PACSIN2: variants seen among roughly 807,000 people sequenced by gnomAD.
PACSIN2 encodes protein kinase C and casein kinase substrate in neurons protein 2.
A neutral mutation model predicts 63.8 loss-of-function variants in PACSIN2; 25 were observed. The observed-to-expected ratio is 0.39, with a 90% confidence interval of 0.29 to 0.55. The LOEUF (loss-of-function observed/expected upper bound fraction) is 0.55. Among genes scored for constraint, PACSIN2 ranks in the 20% least tolerant of loss-of-function variants. The pLI, the probability that PACSIN2 is intolerant of heterozygous loss-of-function variation, is 0.62. For synonymous variants in PACSIN2, 255 were observed against 256.2 expected (o/e 1.00, Z 0.05); for missense variants, 518 against 646.9 (o/e 0.80, Z 2.16).
intron 1 of PACSIN2, among the ~76,000 whole-genome samples, chr22:42,967,957 T>C (rs990294194): frequency 6.6e-5 from 10 of 152,168 alleles, no homozygotes; most frequent in Admixed American, 5.2e-4. Flanking sequence ...TTTTATGACA[T>C]TTTATACACG....
intron 1 of PACSIN2, among the ~76,000 whole-genome samples, chr22:42,926,181 C>G (rs1249923377): frequency 6.6e-6 from 1 of 152,208 alleles, no homozygotes; most frequent in East Asian, 1.9e-4. Context: ...TTATATCTCT[C>G]TGGAACATGG....
chr22:42,982,941 G>T (rs1569350475), intron 1 of PACSIN2, among the ~76,000 whole-genome samples: 1 of 148,690 alleles, frequency 6.7e-6, no homozygotes, highest in Admixed American at 6.9e-5. Context: ...CAGCACTTGG[G>T]AGACTTAGGC....
rs200348918 is a variant in PACSIN2 at position 42,982,887 on chromosome 22, A to AAAAAAAAAAAAAAAC, written c.-78+32133_-78+32134insGTTTTTTTTTTTTTT. Among the ~76,000 whole-genome samples the AAAAAAAAAAAAAAAC allele has an allele frequency of 6.5e-4, 84 of 129,560 alleles. 3 individuals carry two copies. The highest frequency in any genetic ancestry group is 1.1e-3 in the Non-Finnish European group (65 of 58,770). 85.0% of individuals were successfully genotyped at this position (129,560 alleles called of 152,430 possible). On this transcript the variant is annotated intron_variant, in intron 1 of 10. Coordinates refer to ENST00000263246, the MANE Select transcript of PACSIN2 (RefSeq NM_001184970.3). ...TGATCAATAAAAAAAAAAAAAAAAAAAAACAACAACAAGGCTAGGAGCAGT... is the reference window on the plus strand; with the variant it reads ...TGATCAATAAAAAAAAAAAAAAAAAAAAAAAAAAAAAAAACAAACAACAACAAGGCTAGGAGCAGT...
At chr22:42,938,094 C>T (rs570319205) in intron 1 of PACSIN2, among the ~76,000 whole-genome samples, 78 of 152,252 alleles carry the variant, frequency 5.1e-4, no homozygotes, top group Non-Finnish European at 9.7e-4. Context: ...CCATTTAAGT[C>T]GAGCAAAATT....
chr22:42,955,057 T>C (rs531916062), intron 1 of PACSIN2, among the ~76,000 whole-genome samples: 6 of 152,258 alleles, frequency 3.9e-5, no homozygotes, highest in Middle Eastern at 3.4e-3. Context: ...AAACTCATCA[T>C]CAAACTGGAG....
Position 42,899,675 on chromosome 22 carries a change from C to T in PACSIN2, c.61-6062G>A, listed in dbSNP as rs1004671314. On this transcript the variant is annotated intron_variant, in intron 2 of 10. Transcript: ENST00000263246. ...ATGCAAGTGCCCTACGATGACCCAG[C>T]AGCTTCATTCTGGGCTTAGATTCCC... Among the ~76,000 whole-genome samples the T allele has an allele frequency of 2.0e-5, 3 of 152,336 alleles. No individual in the cohort carries two copies. In the South Asian group the frequency reaches 6.2e-4, roughly 32 times the overall value.
intron 2 of PACSIN2, among the ~76,000 whole-genome samples, chr22:42,897,120 A>G (rs1300130279): frequency 6.6e-6 from 1 of 152,102 alleles, no homozygotes; most frequent in East Asian, 1.9e-4. Flanking sequence ...TATTTTTTGC[A>G]GAGACAGGGT....
At chr22:42,961,447 TAAAAAA>T (rs10678680) in intron 1 of PACSIN2, among the ~76,000 whole-genome samples, 3 of 121,216 alleles carry the variant, frequency 2.5e-5, no homozygotes, top group Admixed American at 8.8e-5. Context: ...AATGATCAAT[TAAAAAA>T]AAAAAAAAAA....
intron 5 of PACSIN2, among the ~76,000 whole-genome samples, chr22:42,886,745 GC>G (rs1221937148): frequency 6.6e-6 from 1 of 152,182 alleles, no homozygotes; most frequent in Non-Finnish European, 1.5e-5. Flanking sequence ...CCTCTCCAGA[GC>G]TCTAGGCACA....
intron 1 of PACSIN2, among the ~76,000 whole-genome samples, chr22:42,986,644 A>G (rs1922633983): frequency 6.6e-6 from 1 of 152,184 alleles, no homozygotes; most frequent in East Asian, 1.9e-4. Flanking sequence ...ATGACTTCAG[A>G]CACAGCAGAG....
In PACSIN2 at chr22:42,996,396, G is replaced by A. The variant is rs536374464; in HGVS notation, c.-78+18625C>T. ...AAAATACAAAAATTAGCTGGGCATG[G>A]TGGCACACGCCCGTAATCCCAGCTA... On this transcript the variant is annotated intron_variant, in intron 1 of 10. Transcript: ENST00000263246. Among the ~76,000 whole-genome samples the A allele has an allele frequency of 2.0e-5, 3 of 152,168 alleles. No individual in the cohort carries two copies. In the South Asian group the frequency reaches 6.2e-4, roughly 32 times the overall value.
At chr22:42,954,419 C>T (rs1933829871) in intron 1 of PACSIN2, among the ~76,000 whole-genome samples, 2 of 151,738 alleles carry the variant, frequency 1.3e-5, no homozygotes, top group South Asian at 2.1e-4. Context: ...TTTTTTGAGA[C>T]AGGGTGTCCC....
intron 1 of PACSIN2, among the ~76,000 whole-genome samples, chr22:42,923,135 T>G (rs1932304222): frequency 6.6e-6 from 1 of 152,212 alleles, no homozygotes; most frequent in Non-Finnish European, 1.5e-5. Context: ...GCATGGTAAC[T>G]CAGAGTTTTG....
At position 42,879,112 on chromosome 22, in the gene PACSIN2, C is replaced by T; in HGVS notation, c.964G>A (p.Asp322Asn). Residue 322 changes from aspartate to asparagine, a missense_variant, in exon 8 of 11, where the codon GAC becomes AAC. This residue lies in a region of PACSIN2 where 507 missense variants were observed against 612.3 expected (regional missense o/e 0.83). Transcript: ENST00000263246. ...LSRREKKKATDGVTLTGINQT... is the reference protein window; with the variant it reads ...LSRREKKKATNGVTLTGINQT... ...TTGATGCCCGTCAGGGTGACGCCGT[C>T]AGTGGCCTTCTTCTTCTCTCTCCGG... is the stretch of plus-strand genomic sequence containing the variant. 6.2e-7 allele frequency: 1 copy of T among 1,614,156 alleles called. No homozygotes were observed.
At position 42,871,067 on chromosome 22, in the gene PACSIN2, G is replaced by A; in HGVS notation, c.*290C>T. The A allele has an allele frequency of 4.7e-6, 2 of 423,526 alleles. No homozygotes were observed. The highest frequency in any genetic ancestry group is 6.3e-5 in the South Asian group (2 of 31,976). 26.2% of individuals were successfully genotyped at this position (423,526 alleles called of 1,614,324 possible). A position where few individuals can be genotyped will look rare whatever the true frequency, so the allele number is the denominator to read the frequency against. On this transcript the variant is annotated 3_prime_UTR_variant, in exon 11 of 11. Transcript: ENST00000263246. The surrounding 1 kb of genome is among the most constrained non-coding windows in gnomAD (Gnocchi z 5.4). ...ACCCACCATTGACTCGGAAAGGAGA[G>A]ACAAAGTCAAGAACATAGAGATCTA...
At position 42,884,523 on chromosome 22, in the gene PACSIN2, G is replaced by A; in HGVS notation, c.648C>T (p.Asp216=). 1.2e-6 allele frequency: 2 copies of A among 1,614,128 alleles called. No individual in the cohort carries two copies. The highest frequency in any genetic ancestry group is 1.7e-6 in the Non-Finnish European group (2 of 1,179,998). Residue 216 remains aspartate, a synonymous_variant, in exon 6 of 11, where the codon GAC becomes GAT. Transcript: ENST00000263246. Reference sequence around the variant, plus strand: ...TCTCCATGTACTGGGGTGTGCCCTGGTCGAGTTCCTTCAGGGACTTCTCAT... The same window carrying A: ...TCTCCATGTACTGGGGTGTGCCCTGATCGAGTTCCTTCAGGGACTTCTCAT... ...EKYEKSLKEL[D]QGTPQYMENM...
intron 7 of PACSIN2, among the ~76,000 whole-genome samples, 179 bp from the exon 8 acceptor site, chr22:42,879,348 G>A (rs1928901331): frequency 6.6e-6 from 1 of 152,182 alleles, no homozygotes; most frequent in Non-Finnish European, 1.5e-5. Flanking sequence ...CCCCACTTAT[G>A]AACCCAAACG....
intron 1 of PACSIN2, among the ~76,000 whole-genome samples, chr22:42,928,813 C>T (rs987480647): frequency 3.9e-5 from 6 of 152,202 alleles, no homozygotes; most frequent in African/African-American, 1.2e-4. Flanking sequence ...ATTCTGAAGT[C>T]ATTTTTTACA....
intron 1 of PACSIN2, among the ~76,000 whole-genome samples, chr22:43,013,899 C>T (rs1205980301): frequency 1.3e-5 from 2 of 152,144 alleles, no homozygotes; most frequent in African/African-American, 2.4e-5. Flanking sequence ...AAGACAGGAT[C>T]CAGGAATGGT....
Sources: gnomAD v4.1 joint callset for allele counts (sites outside exome capture counted in the v4.1 genomes callset) on GRCh38, gnomAD v4.1.1 for gene constraint, gnomAD v4.1.1 regional missense constraint, Gnocchi (gnomAD v3.1) non-coding constraint, MANE v1.5 for transcripts, NCBI Gene and HGNC (gene_info 2026-07-23, HGNC 2026-07-21) for gene names.